CDH18: variants seen among roughly 807,000 people sequenced by gnomAD.
The protein encoded by CDH18 is cadherin-18.
CDH18 carries 31 observed loss-of-function variants against 67.9 expected under a neutral mutation model. That is an observed-to-expected ratio of 0.46 (90% CI 0.34 to 0.62). The LOEUF is 0.62. Among genes scored for constraint, CDH18 ranks in the 20% least tolerant of loss-of-function variants. CDH18 has a pLI of 0.01. For missense variants in CDH18, 890 were observed against 975.5 expected, an observed-to-expected ratio of 0.91 and a Z score of 1.17; for synonymous variants, 362 against 347.2, an observed-to-expected ratio of 1.04 and a Z score of -0.48.
chr5:20,433,649 G>A (rs191277539), intron 1 of CDH18, among the ~76,000 whole-genome samples: 10 of 152,042 alleles, frequency 6.6e-5, no homozygotes, highest in Admixed American at 6.6e-4. Flanking sequence ...AGATGGAAAA[G>A]GCAATTAGAT....
chr5:20,260,879 T>G (rs1744599779), intron 1 of CDH18, among the ~76,000 whole-genome samples: 1 of 152,158 alleles, frequency 6.6e-6, no homozygotes, highest in Non-Finnish European at 1.5e-5. Context: ...GGAACCAAAT[T>G]CTTCCAATGA....
Position 19,936,016 on chromosome 5 carries a change from A to G in CDH18, c.-257+45044T>C, listed in dbSNP as rs188554112. Among the ~76,000 whole-genome samples the G allele has an allele frequency of 1.3e-4, 20 of 151,258 alleles. No homozygotes were observed. The East Asian group carries it at 3.9e-3, about 29-fold the overall frequency. Reference sequence around the variant, plus strand: ...CACATATAGGAAGTTCTGCATAATCATAGTGATGAAAACTCATGTTTAAAA... The same window carrying G: ...CACATATAGGAAGTTCTGCATAATCGTAGTGATGAAAACTCATGTTTAAAA... On this transcript the variant is annotated intron_variant, in intron 2 of 12. Transcript: ENST00000382275.
At chr5:20,537,197 C>T (rs1216182219) in intron 1 of CDH18, among the ~76,000 whole-genome samples, 1 of 152,030 alleles carries the variant, frequency 6.6e-6, no homozygotes, top group Non-Finnish European at 1.5e-5. Flanking sequence ...GCACATATTT[C>T]CTGTTTATCT....
intron 3 of CDH18, among the ~76,000 whole-genome samples, chr5:19,816,196 T>A (rs1214899576): frequency 6.6e-6 from 1 of 151,816 alleles, no homozygotes; most frequent in East Asian, 1.9e-4. Flanking sequence ...CACTATTTGG[T>A]CTCTTATCTA....
chr5:20,508,012 A>T (rs1754758620), intron 1 of CDH18, among the ~76,000 whole-genome samples: 1 of 151,990 alleles, frequency 6.6e-6, no homozygotes, highest in Admixed American at 6.6e-5. Context: ...TCCATTTATC[A>T]AGGAAGAAAG....
intron 1 of CDH18, among the ~76,000 whole-genome samples, chr5:20,541,803 A>G (rs1757064491): frequency 1.3e-5 from 2 of 152,216 alleles, no homozygotes; most frequent in South Asian, 4.1e-4. Context: ...ACTTCACCAT[A>G]TAGAAGAATC....
chr5:20,490,254 T>C (rs1393769314), intron 1 of CDH18, among the ~76,000 whole-genome samples: 6 of 152,086 alleles, frequency 3.9e-5, no homozygotes, highest in Non-Finnish European at 8.8e-5. Flanking sequence ...TTATAGTGTG[T>C]CATTTTTAGA....
At chr5:19,673,170 T>C (rs1394328221) in intron 5 of CDH18, among the ~76,000 whole-genome samples, 3 of 152,014 alleles carry the variant, frequency 2.0e-5, no homozygotes, top group African/African-American at 7.2e-5. Context: ...CTTTATTCTG[T>C]TTTTGTTGTT....
At chr5:19,769,779 G>T (rs1773524897) in intron 3 of CDH18, among the ~76,000 whole-genome samples, 1 of 151,584 alleles carries the variant, frequency 6.6e-6, no homozygotes, top group African/African-American at 2.4e-5. Flanking sequence ...GCTTCAAAAT[G>T]TGCTACCAAA....
At chr5:20,106,437 C>T (rs994863732) in intron 2 of CDH18, among the ~76,000 whole-genome samples, 2 of 152,174 alleles carry the variant, frequency 1.3e-5, no homozygotes, top group African/African-American at 4.8e-5. Flanking sequence ...CTAGAACCTT[C>T]ACAGATTCAC....
At chr5:20,145,513 T>C (rs1750573849) in intron 2 of CDH18, among the ~76,000 whole-genome samples, 1 of 152,202 alleles carries the variant, frequency 6.6e-6, no homozygotes, top group Non-Finnish European at 1.5e-5. Context: ...GCACTGAAGT[T>C]GGAGTTTTTG....
intron 3 of CDH18, among the ~76,000 whole-genome samples, chr5:19,757,836 C>A (rs1254273169): frequency 6.6e-6 from 1 of 152,208 alleles, no homozygotes; most frequent in African/African-American, 2.4e-5. Flanking sequence ...AAGTGCACAA[C>A]CACGTGCACT....
intron 2 of CDH18, among the ~76,000 whole-genome samples, chr5:20,090,810 A>T (rs1186699552): frequency 1.3e-5 from 2 of 152,060 alleles, no homozygotes; most frequent in Non-Finnish European, 2.9e-5. Flanking sequence ...CGGCCAGATC[A>T]CTTGAGCCCA....
intron 1 of CDH18, among the ~76,000 whole-genome samples, chr5:20,367,641 T>C (rs1056680402): frequency 6.6e-6 from 1 of 152,238 alleles, no homozygotes; most frequent in African/African-American, 2.4e-5. Context: ...TATGCTAATG[T>C]TCCTATGAAG....
chr5:19,726,325 C>T (rs1306939099), intron 4 of CDH18, among the ~76,000 whole-genome samples: 2 of 152,156 alleles, frequency 1.3e-5, no homozygotes, highest in African/African-American at 4.8e-5. Context: ...AAAGAATGGT[C>T]ATTAACAGCT....
At chr5:20,183,769 C>T (rs1737879119) in intron 2 of CDH18, among the ~76,000 whole-genome samples, 1 of 152,020 alleles carries the variant, frequency 6.6e-6, no homozygotes, top group African/African-American at 2.4e-5. Flanking sequence ...TACTCTTGTA[C>T]CAAGCAGACT....
At chr5:19,798,041 CAA>C (rs1354965698) in intron 3 of CDH18, among the ~76,000 whole-genome samples, 2 of 152,016 alleles carry the variant, frequency 1.3e-5, no homozygotes, top group Non-Finnish European at 2.9e-5. Flanking sequence ...TGACTTTTGA[CAA>C]AGTTGCTAGT....
chr5:19,797,821 C>CTTTAA (rs1777017010), intron 3 of CDH18, among the ~76,000 whole-genome samples: 1 of 151,916 alleles, frequency 6.6e-6, no homozygotes, highest in South Asian at 2.1e-4. Context: ...TAAATATAGG[C>CTTTAA]AAGCCTATTC....
intron 2 of CDH18, among the ~76,000 whole-genome samples, chr5:19,941,301 A>T (rs1482429580): frequency 6.6e-6 from 1 of 152,136 alleles, no homozygotes; most frequent in Non-Finnish European, 1.5e-5. Flanking sequence ...GTGAGAAATG[A>T]ATTTCTGTGT....
Sources: gnomAD v4.1 joint callset for allele counts (sites outside exome capture counted in the v4.1 genomes callset) on GRCh38, gnomAD v4.1.1 for gene constraint, MANE v1.5 for transcripts, NCBI Gene and HGNC (gene_info 2026-07-23, HGNC 2026-07-21) for gene names.